CHLSN: variants seen among roughly 807,000 people sequenced by gnomAD.
CHLSN encodes the protein cholesin.
chr7:999,996 T>C, the CHLSN span, among the ~76,000 whole-genome samples: 1 of 152,144 alleles, frequency 6.6e-6, no homozygotes, highest in Non-Finnish European at 1.5e-5. Flanking sequence ...CACACACGTG[T>C]AGACACACGT....
the CHLSN span, among the ~76,000 whole-genome samples, chr7:1,125,644 T>C: frequency 1.3e-5 from 2 of 152,208 alleles, no homozygotes; most frequent in African/African-American, 4.8e-5. Context: ...CATTTACTCA[T>C]CTATGTCAGC....
chr7:1,014,683 G>C, the CHLSN span, among the ~76,000 whole-genome samples: 1 of 152,280 alleles, frequency 6.6e-6, no homozygotes, highest in Non-Finnish European at 1.5e-5. Flanking sequence ...CTGGCACCAG[G>C]TCCCTGGACT....
the CHLSN span, chr7:988,259 C>T: frequency 9.0e-6 from 14 of 1,562,200 alleles, no homozygotes; most frequent in East Asian, 2.3e-4. Flanking sequence ...TCTCTCTGTG[C>T]CCCGGCTGCC....
the CHLSN span, chr7:1,021,691 G>T: frequency 2.7e-6 from 1 of 371,230 alleles, no homozygotes; most frequent in Non-Finnish European, 3.7e-6. Context: ...CTGGAGGCAG[G>T]ACACCACCCC....
the CHLSN span, among the ~76,000 whole-genome samples, chr7:1,003,739 G>C: frequency 1.4e-4 from 13 of 93,388 alleles, no homozygotes; most frequent in African/African-American, 5.5e-4. Context: ...TGGGTGAGTG[G>C]AGTCCTGTGG....
At chr7:988,369 C>A in the CHLSN span, 2 of 1,612,552 alleles carry the variant, frequency 1.2e-6, no homozygotes, top group Non-Finnish European at 1.7e-6. Context: ...ATTTCCTGGA[C>A]GCGAATGGGC....
the CHLSN span, among the ~76,000 whole-genome samples, chr7:979,729 C>A: frequency 6.7e-6 from 1 of 149,806 alleles, no homozygotes; most frequent in African/African-American, 2.5e-5. Context: ...AGGGAAACTC[C>A]GTCTCAAAAA....
chr7:984,373 G>T, the CHLSN span: 1 of 1,539,894 alleles, frequency 6.5e-7, no homozygotes, highest in Non-Finnish European at 8.7e-7. Flanking sequence ...GGGTCTTGTG[G>T]GTGAGGGCTG....
the CHLSN span, among the ~76,000 whole-genome samples, chr7:993,529 CGGTGGGAGGCCGG>C: frequency 2.0e-5 from 3 of 152,080 alleles, no homozygotes; most frequent in African/African-American, 4.8e-5. Flanking sequence ...ATCCCAGGCA[CGGTGGGAGGCCGG>C]GGTGGGAGGA....
chr7:1,031,141 C>T, the CHLSN span, among the ~76,000 whole-genome samples: 1 of 152,202 alleles, frequency 6.6e-6, no homozygotes, highest in Admixed American at 6.5e-5. Context: ...GGAAGGGCCC[C>T]CAGATAGCTG....
chr7:1,052,622 GGTCTCTCA>G, the CHLSN span, among the ~76,000 whole-genome samples: 1 of 152,088 alleles, frequency 6.6e-6, no homozygotes, highest in Admixed American at 6.5e-5. The surrounding 1 kb of genome is among the most constrained non-coding windows in gnomAD (Gnocchi z 4.2). Context: ...TCAAGCTGGT[GGTCTCTCA>G]GTGCAAGGGT....
the CHLSN span, among the ~76,000 whole-genome samples, chr7:1,005,468 A>C: frequency 6.6e-6 from 1 of 152,380 alleles, no homozygotes; most frequent in South Asian, 2.1e-4. Flanking sequence ...CCCAATGCCC[A>C]TGAAGGCCCG....
chr7:990,380 G>A, the CHLSN span, among the ~76,000 whole-genome samples: 1 of 151,670 alleles, frequency 6.6e-6, no homozygotes, highest in African/African-American at 2.4e-5. Flanking sequence ...TGGCGCGTGT[G>A]CTGGGGGCGG....
At chr7:1,070,928 GACACGCAC>G in the CHLSN span, among the ~76,000 whole-genome samples, 1 of 100,890 alleles carries the variant, frequency 9.9e-6, no homozygotes, top group Non-Finnish European at 2.2e-5. Context: ...AGCACGCACA[GACACGCAC>G]ACATGCACAC....
At chr7:987,138 C>A in the CHLSN span, 15 of 1,572,192 alleles carry the variant, frequency 9.5e-6, no homozygotes, top group African/African-American at 1.6e-4. Context: ...TTTGCTGAGG[C>A]CAACGCGGTG....
chr7:1,100,656 C>G, the CHLSN span, among the ~76,000 whole-genome samples: 6 of 152,180 alleles, frequency 3.9e-5, no homozygotes, highest in East Asian at 1.2e-3. Flanking sequence ...CCAGCTCTAG[C>G]GGAAACAAAG....
At chr7:987,503 C>A in the CHLSN span, 1 of 1,539,356 alleles carries the variant, frequency 6.5e-7, no homozygotes, top group South Asian at 1.2e-5. Flanking sequence ...GCGGCCGACA[C>A]ACAGCTGGGC....
chr7:1,070,617 CACACGCACACA>C, the CHLSN span, among the ~76,000 whole-genome samples: 8 of 147,224 alleles, frequency 5.4e-5, no homozygotes, highest in South Asian at 2.2e-4. Context: ...CATGCATGCA[CACACGCACACA>C]ACACGCACAC....
chr7:1,069,413 G>A, the CHLSN span, among the ~76,000 whole-genome samples: 2 of 141,480 alleles, frequency 1.4e-5, no homozygotes, highest in Admixed American at 7.1e-5. Flanking sequence ...ATGCGGAGCC[G>A]AAGCTGGACT....
Sources: allele counts gnomAD v4.1 joint callset (sites outside exome capture counted in the v4.1 genomes callset), GRCh38; gene constraint gnomAD v4.1.1; non-coding constraint Gnocchi (gnomAD v3.1); transcripts MANE v1.5; gene names NCBI Gene and HGNC (gene_info 2026-07-23, HGNC 2026-07-21).